The following AMOTL1 variants were observed in gnomAD, a reference collection of about 807,000 sequenced individuals.
AMOTL1 encodes the protein angiomotin-like protein 1.
A neutral mutation model predicts 102.9 loss-of-function variants in AMOTL1; 45 were observed. That is an observed-to-expected ratio of 0.44 (90% CI 0.34 to 0.56). The LOEUF is 0.56. Among genes scored for constraint, AMOTL1 ranks in the 20% least tolerant of loss-of-function variants. AMOTL1 has a pLI of 0.01. For synonymous variants in AMOTL1, 481 were observed against 484.7 expected, an observed-to-expected ratio of 0.99 and a Z score of 0.10; for missense variants, 1,114 against 1,225.6, an observed-to-expected ratio of 0.91 and a Z score of 1.36.
chr11:94,753,701 A>T (rs896204943), intron 3 of AMOTL1, among the ~76,000 whole-genome samples: 1 of 152,116 alleles, frequency 6.6e-6, no homozygotes, highest in East Asian at 1.9e-4. Context: ...ATTCCTAACC[A>T]CCATCTTCAG....
chr11:94,724,736 C>T (rs181261858), intron 1 of AMOTL1, among the ~76,000 whole-genome samples: 192 of 152,144 alleles, frequency 1.3e-3, no homozygotes, highest in African/African-American at 4.5e-3. Context: ...CTAGGAGACA[C>T]CAAGTTAGTA....
At chr11:94,752,134 A>T (rs1950663465) in intron 3 of AMOTL1, among the ~76,000 whole-genome samples, 1 of 152,124 alleles carries the variant, frequency 6.6e-6, no homozygotes, top group Non-Finnish European at 1.5e-5. Flanking sequence ...CATTAAATTA[A>T]TTTGATATTC....
At chr11:94,795,194 G>A in intron 2 of AMOTL1, 34 bp downstream of exon 2, 1 of 1,609,756 alleles carries the variant, frequency 6.2e-7, no homozygotes, top group Non-Finnish European at 8.5e-7. Flanking sequence ...TGTTGGAAAA[G>A]CAAAATGATC....
intron 2 of AMOTL1, among the ~76,000 whole-genome samples, chr11:94,734,028 AATTT>A (rs1950397693): frequency 1.3e-5 from 2 of 151,780 alleles, no homozygotes; most frequent in African/African-American, 4.9e-5. Context: ...GGACAAATTT[AATTT>A]ATTTATATAT....
chr11:94,781,629 GATCGAGACC>G, intron 1 of AMOTL1, among the ~76,000 whole-genome samples: 1 of 152,220 alleles, frequency 6.6e-6, no homozygotes, highest in South Asian at 2.1e-4. Context: ...GAGGTCAGGA[GATCGAGACC>G]ATCCTGGCCA....
At chr11:94,740,483 T>C (rs1488838575) in intron 2 of AMOTL1, 8 of 151,688 alleles carry the variant, frequency 5.3e-5, no homozygotes, top group Admixed American at 3.3e-4. Context: ...GCGGGGCGCC[T>C]GGGTGGGCGA....
At chr11:94,829,807 A>G (rs1287632071) in intron 4 of AMOTL1, among the ~76,000 whole-genome samples, 1 of 152,236 alleles carries the variant, frequency 6.6e-6, no homozygotes, top group Non-Finnish European at 1.5e-5. Context: ...GGACTTTTAC[A>G]AGGTGACATC....
At position 94,859,777 on chromosome 11, in the gene AMOTL1, AC is replaced by A. The variant is rs1425722368; in HGVS notation, c.2135+63del. On this transcript the variant is annotated intron_variant, in intron 9 of 12. Coordinates refer to ENST00000433060, the MANE Select transcript of AMOTL1 (RefSeq NM_130847.3). The stretch of plus-strand genomic sequence containing the variant: ...AGTTAAAAAAATCAAAACAAAACAA[AC>A]AGGCTATCCAGAGAGGTCCAAGGCC... The A allele has an allele frequency of 4.0e-6, 6 of 1,493,554 alleles. No homozygotes were observed. In the African/African-American group the frequency reaches 8.4e-5, roughly 21 times the overall value. 92.5% of individuals were successfully genotyped at this position (1,493,554 alleles called of 1,614,324 possible). A position where few individuals can be genotyped will look rare whatever the true frequency, so the allele number is the denominator to read the frequency against.
intron 3 of AMOTL1, among the ~76,000 whole-genome samples, chr11:94,750,825 C>T (rs1950644509): frequency 1.3e-5 from 2 of 152,194 alleles, no homozygotes; most frequent in Admixed American, 6.5e-5. Context: ...AATAGTTCAG[C>T]GTTGTTACAC....
chr11:94,708,432 C>T (rs1949967428), intron 1 of AMOTL1, among the ~76,000 whole-genome samples: 1 of 152,186 alleles, frequency 6.6e-6, no homozygotes, highest in Non-Finnish European at 1.5e-5. Flanking sequence ...TCATTTGAAT[C>T]CCAGCTTCTC....
In AMOTL1 at chr11:94,739,142, C is replaced by G. The variant is rs536344131; in HGVS notation, c.86-1796C>G. The stretch of plus-strand genomic sequence containing the variant: ...GGCAAGTAATGCAGCCTGTTATTTT[C>G]AAGGAAAGCCAGGTATGGGTCAGAG... On this transcript the variant is annotated intron_variant, in intron 2 of 4. Coordinates refer to the AMOTL1 transcript ENST00000299004. 1.3e-4 allele frequency among the ~76,000 whole-genome samples: 20 copies of G among 152,192 alleles called. No individual in the cohort carries two copies. The South Asian group carries it at 1.9e-3, about 14-fold the overall frequency.
chr11:94,712,400 A>C (rs1397214591), intron 1 of AMOTL1, among the ~76,000 whole-genome samples: 1 of 152,094 alleles, frequency 6.6e-6, no homozygotes, highest in African/African-American at 2.4e-5. Context: ...AAAATCCTAC[A>C]AGAAAACCTA....
rs959861370 is a variant in AMOTL1 at position 94,845,004 on chromosome 11, T to A, written c.1649-5110T>A. On this transcript the variant is annotated intron_variant, in intron 6 of 12. Transcript: ENST00000433060. ...ATGTAGGAAGTGCTGGCTTACAGGT[T>A]TGCTGTCCTCAGAAGCCCCAGCCAT... is the stretch of plus-strand genomic sequence containing the variant. 2.3e-4 allele frequency among the ~76,000 whole-genome samples: 35 copies of A among 152,338 alleles called. No individual in the cohort carries two copies. In the East Asian group the frequency reaches 6.0e-3, roughly 26 times the overall value.
Position 94,875,884 on chromosome 11 carries a change from C to T in AMOTL1, c.*5089C>T, listed in dbSNP as rs1379501990. On this transcript the variant is annotated 3_prime_UTR_variant, in exon 13 of 13. Coordinates refer to ENST00000433060, the MANE Select transcript of AMOTL1 (RefSeq NM_130847.3). ...CTATGTGTTCACATCTCTGCATACA[C>T]TACAGATATAAGTGCATAATCATTC... 3 of 152,460 alleles carry T rather than the reference C, an allele frequency of 2.0e-5. No individual in the cohort carries two copies. The highest frequency in any genetic ancestry group is 4.4e-5 in the Non-Finnish European group (3 of 68,038). The allele number at this position is 152,460 out of a possible 1,614,324, so 9.4% of individuals were successfully genotyped here.
chr11:94,750,573 TG>T (rs1950640698), intron 3 of AMOTL1, among the ~76,000 whole-genome samples: 1 of 152,192 alleles, frequency 6.6e-6, no homozygotes, highest in Non-Finnish European at 1.5e-5. Flanking sequence ...AGCCTTGAGC[TG>T]GCCTCCAACT....
At chr11:94,794,188 A>G (rs1412934037) in intron 1 of AMOTL1, among the ~76,000 whole-genome samples, 1 of 152,248 alleles carries the variant, frequency 6.6e-6, no homozygotes, top group Non-Finnish European at 1.5e-5. Context: ...TTCTTTCCCC[A>G]GAGTAAAATA....
intron 2 of AMOTL1, among the ~76,000 whole-genome samples, chr11:94,735,701 G>T (rs1950429152): frequency 1.3e-5 from 2 of 152,098 alleles, no homozygotes. Context: ...ATTTGAATAT[G>T]CCTTAAAAAT....
chr11:94,801,741 G>A lies in AMOTL1; in HGVS notation c.1121+1430G>A, dbSNP rs539935786. ...TGGAATAGGGATGATGGAAATAAGG[G>A]AATTACGAATCAAACTCTCAGGAGA... On this transcript the variant is annotated intron_variant, in intron 3 of 12. Transcript: ENST00000433060. Among the ~76,000 whole-genome samples the A allele has an allele frequency of 2.0e-5, 3 of 152,220 alleles. No homozygotes were observed. The South Asian group carries it at 6.2e-4, about 32-fold the overall frequency.
At position 94,859,678 on chromosome 11, in the gene AMOTL1, T is replaced by G; in HGVS notation, c.2098T>G (p.Phe700Val). 3 of 1,612,162 alleles carry G rather than the reference T, an allele frequency of 1.9e-6. No individual in the cohort carries two copies. The highest frequency in any genetic ancestry group is 2.5e-6 in the Non-Finnish European group (3 of 1,179,002). Residue 700 changes from phenylalanine (F) to valine (V), a missense_variant, in exon 9 of 13, where the codon TTT becomes GTT. Physicochemically the swap from Phe to Val is conservative, Grantham distance 50. Transcript: ENST00000433060. ...CCTGGAGGAGAGCACCATCCGACAC[T>G]TTGCCATGAATGCCGCAGCCACTGC... ...KYLEESTIRH[F>V]AMNAAATAAA... is the part of the protein sequence containing the mutation.
Sources: allele counts gnomAD v4.1 joint callset (sites outside exome capture counted in the v4.1 genomes callset), GRCh38; gene constraint gnomAD v4.1.1; transcripts MANE v1.5; gene names NCBI Gene and HGNC (gene_info 2026-07-23, HGNC 2026-07-21).